The following SNTG1 variants were observed in gnomAD, a reference collection of about 807,000 sequenced individuals.
SNTG1 encodes syntrophin gamma 1.
SNTG1 carries 39 observed loss-of-function variants against 74.7 expected under a neutral mutation model. The ratio of observed to expected loss-of-function variants is 0.52; its 90% CI spans 0.40 to 0.68. The LOEUF (loss-of-function observed/expected upper bound fraction) is 0.68, where lower values mean the gene tolerates loss of function less well. Among genes scored for constraint, SNTG1 ranks in the 30% least tolerant of loss-of-function variants. The pLI is 0.00. For missense variants in SNTG1, 685 were observed against 609.5 expected (o/e 1.12, Z -1.30); for synonymous variants, 254 against 217.1 (o/e 1.17, Z -1.49).
intron 2 of SNTG1, among the ~76,000 whole-genome samples, chr8:50,236,486 T>C (rs2132100538): frequency 6.6e-6 from 1 of 150,638 alleles, no homozygotes; most frequent in South Asian, 2.1e-4. Flanking sequence ...AGTCTCGCTC[T>C]TTAGGCCAGG....
chr8:50,062,752 C>G (rs1820585685), intron 1 of SNTG1, among the ~76,000 whole-genome samples: 1 of 152,128 alleles, frequency 6.6e-6, no homozygotes, highest in Non-Finnish European at 1.5e-5. Flanking sequence ...TGCCCACAAA[C>G]AATGGTTTAA....
intron 1 of SNTG1, among the ~76,000 whole-genome samples, chr8:50,105,018 GC>G (rs757349708): frequency 1.3e-5 from 2 of 151,978 alleles, no homozygotes; most frequent in Non-Finnish European, 2.9e-5. Context: ...GGTTTCTTTT[GC>G]TCTGCAGAAG....
intron 8 of SNTG1, among the ~76,000 whole-genome samples, chr8:50,489,873 G>C (rs1338534485): frequency 6.6e-6 from 1 of 152,036 alleles, no homozygotes; most frequent in African/African-American, 2.4e-5. Context: ...GTATTGCCTA[G>C]GTTTTCTTCT....
intron 1 of SNTG1, among the ~76,000 whole-genome samples, chr8:50,103,468 G>A (rs976085388): frequency 3.9e-5 from 6 of 152,134 alleles, no homozygotes; most frequent in African/African-American, 1.2e-4. Flanking sequence ...GGGCTGAGAT[G>A]ATGGGGTTTT....
rs1234317765 is a variant in SNTG1 at position 50,758,886 on chromosome 8, G to T, written c.1395+6775G>T. Among the ~76,000 whole-genome samples, 3 of 152,022 alleles carry T rather than the reference G, an allele frequency of 2.0e-5. No individual in the cohort carries two copies. The East Asian group carries it at 5.8e-4, about 29-fold the overall frequency. ...TGTATTTCTGGTTCTAGAGCCTTGA[G>T]GAATCGCCACTCTGTCTTCCAAAAT... On this transcript the variant is annotated intron_variant, in intron 18 of 18. Transcript: ENST00000642720.
intron 8 of SNTG1, among the ~76,000 whole-genome samples, chr8:50,473,040 T>C (rs550400193): frequency 1.3e-5 from 2 of 152,218 alleles, no homozygotes; most frequent in Admixed American, 1.3e-4. Flanking sequence ...AAAACAAGCG[T>C]TGGCAAGTGA....
Position 50,030,619 on chromosome 8 carries a change from T to G in SNTG1, c.-103+118388T>G, listed in dbSNP as rs184230316. ...AACAGACTATCATTTCTCCACTTAT[T>G]ATTGTTTTTCCTCTCTTGCTAGGCA... On this transcript the variant is annotated intron_variant, in intron 1 of 18. Transcript: ENST00000642720. 1.4e-4 allele frequency among the ~76,000 whole-genome samples: 22 copies of G among 152,176 alleles called. No homozygotes were observed. In the East Asian group the frequency reaches 1.5e-3, roughly 11 times the overall value.
intron 2 of SNTG1, among the ~76,000 whole-genome samples, chr8:50,257,728 C>A (rs941341545): frequency 3.9e-5 from 6 of 152,064 alleles, no homozygotes; most frequent in Admixed American, 6.5e-5. Context: ...GAGAGATAAC[C>A]AGGAAAGAGG....
At chr8:50,379,403 G>C (rs1455810991) in intron 2 of SNTG1, among the ~76,000 whole-genome samples, 2 of 152,160 alleles carry the variant, frequency 1.3e-5, no homozygotes, top group African/African-American at 2.4e-5. Context: ...TTGGGCAGCT[G>C]CAGTTGTGCC....
At chr8:50,686,972 A>G (rs2095354959) in intron 15 of SNTG1, among the ~76,000 whole-genome samples, 2 of 150,854 alleles carry the variant, frequency 1.3e-5, no homozygotes, top group South Asian at 2.1e-4. Context: ...CGTCTCTACT[A>G]AAAATACAAA....
At chr8:50,580,208 T>G (rs1288520089) in intron 12 of SNTG1, among the ~76,000 whole-genome samples, 1 of 152,244 alleles carries the variant, frequency 6.6e-6, no homozygotes, top group Non-Finnish European at 1.5e-5. Context: ...CTTTAGCCCC[T>G]TTGTTTTGAC....
intron 9 of SNTG1, among the ~76,000 whole-genome samples, chr8:50,514,970 A>G (rs1054160232): frequency 3.3e-5 from 5 of 152,218 alleles, no homozygotes; most frequent in African/African-American, 1.2e-4. Flanking sequence ...TTACTATTAT[A>G]AAATATCTTT....
chr8:50,171,799 C>A (rs1162988286), intron 1 of SNTG1, among the ~76,000 whole-genome samples: 1 of 152,094 alleles, frequency 6.6e-6, no homozygotes, highest in Non-Finnish European at 1.5e-5. Flanking sequence ...AACTCTATCT[C>A]CTCAGTTATA....
chr8:50,555,428 G>A (rs1229603021), intron 12 of SNTG1, among the ~76,000 whole-genome samples: 1 of 152,168 alleles, frequency 6.6e-6, no homozygotes, highest in Non-Finnish European at 1.5e-5. Flanking sequence ...TTCAGAGAAG[G>A]CAGAATGCAT....
intron 2 of SNTG1, among the ~76,000 whole-genome samples, chr8:50,320,589 T>G (rs1023744031): frequency 1.3e-5 from 2 of 152,068 alleles, no homozygotes; most frequent in African/African-American, 4.8e-5. Context: ...TCTAGTTCTT[T>G]AGGATGCATC....
intron 2 of SNTG1, among the ~76,000 whole-genome samples, chr8:50,389,770 G>A (rs183093302): frequency 1.9e-3 from 285 of 152,178 alleles, no homozygotes; most frequent in African/African-American, 6.6e-3. Context: ...TTTAATGATC[G>A]CCATTCTAAC....
intron 2 of SNTG1, among the ~76,000 whole-genome samples, chr8:50,195,999 T>G (rs972084161): frequency 6.6e-6 from 1 of 152,196 alleles, no homozygotes; most frequent in Non-Finnish European, 1.5e-5. Context: ...CATGGGGATC[T>G]TTATCCATCC....
At chr8:50,206,949 G>T (rs1401389672) in intron 2 of SNTG1, among the ~76,000 whole-genome samples, 2 of 152,138 alleles carry the variant, frequency 1.3e-5, no homozygotes, top group African/African-American at 4.8e-5. Context: ...TTTTTGACGT[G>T]CTGCTGGTTT....
At chr8:50,562,049 A>C in intron 12 of SNTG1, among the ~76,000 whole-genome samples, 1 of 152,188 alleles carries the variant, frequency 6.6e-6, no homozygotes, top group East Asian at 1.9e-4. Context: ...AGACTCCTAA[A>C]ATTTTCTGAT....
Sources: gnomAD v4.1 joint callset for allele counts (sites outside exome capture counted in the v4.1 genomes callset) on GRCh38, gnomAD v4.1.1 for gene constraint, MANE v1.5 for transcripts, NCBI Gene and HGNC (gene_info 2026-07-23, HGNC 2026-07-21) for gene names.